PRKCE: variants seen among roughly 807,000 people sequenced by gnomAD.
PRKCE encodes the protein protein kinase C epsilon, also known as protein kinase C epsilon type.
In PRKCE, 16 loss-of-function variants were observed where a neutral mutation model predicts 85.4. That is an observed-to-expected ratio of 0.19 (90% CI 0.13 to 0.28). The LOEUF is 0.28. Among genes scored for constraint, PRKCE ranks in the 10% least tolerant of loss-of-function variants. The pLI, the probability that PRKCE is intolerant of heterozygous loss-of-function variation, is 1.00. For missense variants in PRKCE, 573 were observed against 975.2 expected, an observed-to-expected ratio of 0.59 and a Z score of 5.49; for synonymous variants, 388 against 371.5, an observed-to-expected ratio of 1.04 and a Z score of -0.51.
intron 1 of PRKCE, among the ~76,000 whole-genome samples, chr2:45,695,601 T>A (rs925174359): frequency 3.9e-5 from 6 of 152,162 alleles, no homozygotes; most frequent in Admixed American, 2.6e-4. Flanking sequence ...GGTGAAACCT[T>A]ATTGCAGCTA....
intron 6 of PRKCE, among the ~76,000 whole-genome samples, chr2:45,995,747 C>G (rs956411597): frequency 6.6e-6 from 1 of 152,150 alleles, no homozygotes; most frequent in African/African-American, 2.4e-5. Flanking sequence ...GTCTTGATTA[C>G]TTCAGCTTTA....
rs1053690976 is a variant in PRKCE at position 46,168,007 on chromosome 2, G to A, written c.2067+8255G>A. ...ATTTCGCCATTTTAGAATTCTGATT[G>A]CAGGAATTTTGCCATTTGAGAATTC... is the stretch of plus-strand genomic sequence containing the variant. On this transcript the variant is annotated intron_variant, in intron 14 of 14. Coordinates refer to ENST00000306156, the MANE Select transcript of PRKCE (RefSeq NM_005400.3). The A allele has an allele frequency of 3.0e-4, 46 of 152,082 alleles. 1 individual carries two copies. The highest frequency in any genetic ancestry group is 2.8e-3 in the Admixed American group (42 of 15,270). The allele number at this position is 152,082 out of a possible 1,614,324, so 9.4% of individuals were successfully genotyped here.
intron 2 of PRKCE, among the ~76,000 whole-genome samples, chr2:45,974,566 C>T (rs1011664274): frequency 1.3e-5 from 2 of 152,192 alleles, no homozygotes; most frequent in South Asian, 2.1e-4. Context: ...GAGGCTGCTG[C>T]GTCCTTGGAA....
rs947702715 is a variant in PRKCE at position 45,696,812 on chromosome 2, T to A, written c.348+44364T>A. 5.9e-5 allele frequency among the ~76,000 whole-genome samples: 9 copies of A among 152,284 alleles called. No individual in the cohort carries two copies. The East Asian group carries it at 1.7e-3, about 29-fold the overall frequency. On this transcript the variant is annotated intron_variant, in intron 1 of 14. Coordinates refer to ENST00000306156, the MANE Select transcript of PRKCE (RefSeq NM_005400.3). ...CTCATCCTGATAACAAGCTTTTCAT[T>A]AGACTTTTAGACTCACTGCAGAGCT...
Position 45,931,108 on chromosome 2 carries a change from C to T in PRKCE, c.413-45321C>T, listed in dbSNP as rs1030982459. On this transcript the variant is annotated intron_variant, in intron 2 of 14. Transcript: ENST00000306156. ...ATTACATGACTTGCCCAGGATCCAT[C>T]ATGCTTCAAAGTCTAAGCTCTTTGT... Among the ~76,000 whole-genome samples, 57 of 152,336 alleles carry T rather than the reference C, an allele frequency of 3.7e-4. 1 individual carries two copies. The highest frequency in any genetic ancestry group is 1.4e-3 in the African/African-American group (57 of 41,570).
intron 1 of PRKCE, among the ~76,000 whole-genome samples, chr2:45,717,628 T>G (rs936706175): frequency 1.3e-5 from 2 of 152,198 alleles, no homozygotes; most frequent in Non-Finnish European, 2.9e-5. Context: ...TAATAGTTTT[T>G]GTATTTAATG....
At position 45,907,982 on chromosome 2, in the gene PRKCE, G is replaced by A. The variant is rs974757211; in HGVS notation, c.412+64919G>A. On this transcript the variant is annotated intron_variant, in intron 2 of 14. Coordinates refer to ENST00000306156, the MANE Select transcript of PRKCE (RefSeq NM_005400.3). This position sits in a 1 kb window ranked among gnomAD's most constrained non-coding sequence, Gnocchi z 4.5. ...CCGACTTCATCCTTTTCAAATCTCT[G>A]AAGTGGGGAGGGCGATTATCACCCC... 6.6e-6 allele frequency among the ~76,000 whole-genome samples: 1 copy of A among 152,116 alleles called. No homozygotes were observed. Among genetic ancestry groups the A allele is most frequent in the Admixed American group, 6.5e-5 (1 of 15,270 alleles).
chr2:46,050,252 G>A (rs1708774854), intron 10 of PRKCE, among the ~76,000 whole-genome samples: 1 of 152,252 alleles, frequency 6.6e-6, no homozygotes, highest in Non-Finnish European at 1.5e-5. Context: ...AATTTCTTAT[G>A]AGCCCTTTGT....
At chr2:45,677,971 T>TA in intron 1 of PRKCE, 1 of 834,964 alleles carries the variant, frequency 1.2e-6, no homozygotes, top group Non-Finnish European at 1.4e-6. Flanking sequence ...GTGATGTAAA[T>TA]ATCAACTTGA....
chr2:46,131,896 A>C (rs192438374), intron 11 of PRKCE, among the ~76,000 whole-genome samples: 1 of 152,280 alleles, frequency 6.6e-6, no homozygotes, highest in East Asian at 1.9e-4. Context: ...TACTAAAGCT[A>C]TTCACTGGGC....
intron 14 of PRKCE, among the ~76,000 whole-genome samples, chr2:46,161,226 C>T (rs575282391): frequency 1.1e-4 from 16 of 152,316 alleles, no homozygotes; most frequent in African/African-American, 3.6e-4. Flanking sequence ...TGCCAGTCAC[C>T]TTTAAGGAAA....
At chr2:45,910,356 G>C (rs1028182484) in intron 2 of PRKCE, among the ~76,000 whole-genome samples, 1 of 152,158 alleles carries the variant, frequency 6.6e-6, no homozygotes, top group African/African-American at 2.4e-5. Context: ...TCTAAAGGGT[G>C]CTAAGACAGG....
At chr2:45,715,605 G>A (rs1324088282) in intron 1 of PRKCE, among the ~76,000 whole-genome samples, 1 of 152,160 alleles carries the variant, frequency 6.6e-6, no homozygotes, top group African/African-American at 2.4e-5. Context: ...TTTTCTACAA[G>A]AGTCAGTCTA....
chr2:46,080,092 G>A (rs1172034036), intron 10 of PRKCE, among the ~76,000 whole-genome samples: 1 of 152,196 alleles, frequency 6.6e-6, no homozygotes, highest in African/African-American at 2.4e-5. Flanking sequence ...GGAAGTTGAT[G>A]TTTTGTTTTG....
intron 1 of PRKCE, among the ~76,000 whole-genome samples, chr2:45,736,121 C>T (rs1270827627): frequency 6.6e-6 from 1 of 152,096 alleles, no homozygotes; most frequent in African/African-American, 2.4e-5. Flanking sequence ...CCACCACACT[C>T]AGCTGATTTT....
At chr2:45,875,492 A>G (rs1007729255) in intron 2 of PRKCE, among the ~76,000 whole-genome samples, 13 of 152,214 alleles carry the variant, frequency 8.5e-5, no homozygotes, top group African/African-American at 2.9e-4. Context: ...GGAGGCTTTA[A>G]CAGAGGAGAG....
At chr2:46,105,035 G>C (rs1671586700) in intron 11 of PRKCE, among the ~76,000 whole-genome samples, 1 of 148,646 alleles carries the variant, frequency 6.7e-6, no homozygotes, top group South Asian at 2.1e-4. Flanking sequence ...TTTTTCCCCA[G>C]AATAGAGCAC....
chr2:45,680,382 A>G (rs1336409787), intron 1 of PRKCE, among the ~76,000 whole-genome samples: 1 of 152,238 alleles, frequency 6.6e-6, no homozygotes, highest in Non-Finnish European at 1.5e-5. Flanking sequence ...GGGTGTGAGA[A>G]TGGAAAAAGA....
At chr2:45,829,883 C>G (rs1363601233) in intron 1 of PRKCE, among the ~76,000 whole-genome samples, 1 of 151,724 alleles carries the variant, frequency 6.6e-6, no homozygotes, top group Non-Finnish European at 1.5e-5. Flanking sequence ...ACCATCCTGG[C>G]TAACACGGTG....
Sources: gnomAD v4.1 joint callset for allele counts (sites outside exome capture counted in the v4.1 genomes callset) on GRCh38, gnomAD v4.1.1 for gene constraint, Gnocchi (gnomAD v3.1) non-coding constraint, MANE v1.5 for transcripts, NCBI Gene and HGNC (gene_info 2026-07-23, HGNC 2026-07-21) for gene names.